GRM3: variants seen among roughly 807,000 people sequenced by gnomAD.
The protein encoded by GRM3 is metabotropic glutamate receptor 3.
Under a neutral mutation model 70.5 loss-of-function variants are expected in GRM3, and 26 were observed. The ratio of observed to expected loss-of-function variants is 0.37; its 90% confidence interval spans 0.27 to 0.51. The LOEUF is 0.51. GRM3 is among the 20% of genes least tolerant of loss of function. GRM3 has a pLI of 0.93. For synonymous variants in GRM3, 443 were observed against 434.9 expected (o/e 1.02, Z -0.23); for missense variants, 859 against 1,123.8 (o/e 0.76, Z 3.37).
chr7:86,772,838 A>G (rs1796781612), intron 2 of GRM3, among the ~76,000 whole-genome samples: 1 of 152,084 alleles, frequency 6.6e-6, no homozygotes, highest in Non-Finnish European at 1.5e-5. Flanking sequence ...TACTGCAAAT[A>G]CAATGATTAT....
intron 3 of GRM3, among the ~76,000 whole-genome samples, chr7:86,804,658 G>A (rs1022510308): frequency 5.3e-5 from 8 of 152,238 alleles, no homozygotes; most frequent in East Asian, 1.9e-4. Context: ...TGATCCGCCC[G>A]CCTTGGCCTC....
intron 4 of GRM3, among the ~76,000 whole-genome samples, chr7:86,841,758 G>C (rs984141197): frequency 4.6e-5 from 7 of 152,084 alleles, no homozygotes; most frequent in Non-Finnish European, 1.0e-4. Flanking sequence ...GAGTGAATTA[G>C]CATTTACTTC....
chr7:86,780,764 G>C (rs1206124807), intron 2 of GRM3, among the ~76,000 whole-genome samples: 1 of 152,122 alleles, frequency 6.6e-6, no homozygotes, highest in Middle Eastern at 3.2e-3. Flanking sequence ...TGTTATCTCT[G>C]TTGATGGCCA....
At chr7:86,664,703 C>T (rs746110544) in intron 1 of GRM3, among the ~76,000 whole-genome samples, 1 of 151,876 alleles carries the variant, frequency 6.6e-6, no homozygotes, top group Non-Finnish European at 1.5e-5. Flanking sequence ...AAGGCTGGTG[C>T]AAGCAGATGA....
intron 5 of GRM3, among the ~76,000 whole-genome samples, chr7:86,859,112 C>G (rs1466394776): frequency 6.6e-6 from 1 of 152,092 alleles, no homozygotes; most frequent in Non-Finnish European, 1.5e-5. Flanking sequence ...ACTTGAGGCA[C>G]ATGCCATCCT....
chr7:86,670,730 C>A (rs576159305), intron 1 of GRM3, among the ~76,000 whole-genome samples: 67 of 152,284 alleles, frequency 4.4e-4, no homozygotes, highest in Non-Finnish European at 6.9e-4. Flanking sequence ...TTTTCCCCTG[C>A]TTAAAACCTT....
intron 1 of GRM3, among the ~76,000 whole-genome samples, chr7:86,668,097 T>A (rs1213720276): frequency 6.6e-6 from 1 of 152,188 alleles, no homozygotes; most frequent in Non-Finnish European, 1.5e-5. Context: ...CATTAGATTC[T>A]TAACTCAGGT....
intron 3 of GRM3, among the ~76,000 whole-genome samples, chr7:86,834,718 A>T (rs1235692547): frequency 6.6e-6 from 1 of 152,028 alleles, no homozygotes; most frequent in Non-Finnish European, 1.5e-5. Flanking sequence ...AAGATATAAA[A>T]CATATTACTT....
intron 1 of GRM3, among the ~76,000 whole-genome samples, chr7:86,689,004 A>G (rs1794633751): frequency 6.7e-6 from 1 of 148,958 alleles, no homozygotes; most frequent in African/African-American, 2.4e-5. Flanking sequence ...TATTAATTAT[A>G]TATTCAAAAC....
At chr7:86,861,225 C>A (rs1798951380) in intron 5 of GRM3, among the ~76,000 whole-genome samples, 1 of 152,148 alleles carries the variant, frequency 6.6e-6, no homozygotes, top group Non-Finnish European at 1.5e-5. Context: ...GTTTGCTGGT[C>A]ATTTCTTTAG....
intron 2 of GRM3, among the ~76,000 whole-genome samples, chr7:86,770,784 G>C (rs918685055): frequency 1.3e-5 from 2 of 152,098 alleles, no homozygotes; most frequent in Non-Finnish European, 2.9e-5. Flanking sequence ...CCTTCATATA[G>C]TTAGCTGTCT....
chr7:86,797,144 G>A (rs1303935643), intron 3 of GRM3, among the ~76,000 whole-genome samples: 2 of 152,176 alleles, frequency 1.3e-5, no homozygotes, highest in African/African-American at 4.8e-5. Flanking sequence ...CAGTAGAGAG[G>A]GGTGTTGCTC....
intron 3 of GRM3, among the ~76,000 whole-genome samples, chr7:86,800,372 ATAAT>A (rs1312988284): frequency 3.3e-5 from 5 of 152,188 alleles, no homozygotes; most frequent in African/African-American, 1.2e-4. Context: ...TCAGAAAAAA[ATAAT>A]TAAATAGATA....
chr7:86,864,208 T>G, intron 5 of GRM3, 74 bp from the exon 6 acceptor site: 2 of 795,504 alleles, frequency 2.5e-6, no homozygotes, highest in Non-Finnish European at 4.6e-6. Context: ...CCAAAGTCCA[T>G]TGTATCCTTC....
chr7:86,846,550 A>G (rs1028901746), intron 4 of GRM3, among the ~76,000 whole-genome samples: 3 of 152,150 alleles, frequency 2.0e-5, no homozygotes, highest in Non-Finnish European at 4.4e-5. Context: ...AATCAAGTGA[A>G]TCTGAATCCA....
intron 1 of GRM3, among the ~76,000 whole-genome samples, chr7:86,761,307 G>T (rs1280512515): frequency 6.6e-6 from 1 of 152,082 alleles, no homozygotes; most frequent in Non-Finnish European, 1.5e-5. Context: ...AAAAACTTAA[G>T]CAGTAAATGT....
At chr7:86,800,347 T>C (rs1797653678) in intron 3 of GRM3, among the ~76,000 whole-genome samples, 1 of 151,990 alleles carries the variant, frequency 6.6e-6, no homozygotes, top group Admixed American at 6.6e-5. Context: ...TATCAATAAA[T>C]CCAGGAGTTG....
chr7:86,733,099 G>A (rs1303822487), intron 1 of GRM3, among the ~76,000 whole-genome samples: 1 of 152,070 alleles, frequency 6.6e-6, no homozygotes, highest in Non-Finnish European at 1.5e-5. Context: ...TGGATCACGA[G>A]GTCAGGAGAT....
chr7:86,821,031 T>G (rs1798108507), intron 3 of GRM3, among the ~76,000 whole-genome samples: 1 of 152,138 alleles, frequency 6.6e-6, no homozygotes, highest in South Asian at 2.1e-4. Flanking sequence ...GTGTATGTTT[T>G]GACACACCCC....
Sources: gnomAD v4.1 joint callset for allele counts (sites outside exome capture counted in the v4.1 genomes callset) on GRCh38, gnomAD v4.1.1 for gene constraint, MANE v1.5 for transcripts, NCBI Gene and HGNC (gene_info 2026-07-23, HGNC 2026-07-21) for gene names.